Variants in PRRT1B observed in about 807,000 individuals in gnomAD.
PRRT1B encodes the protein proline rich transmembrane protein 1B.
At position 131,551,241 on chromosome 9, in the gene PRRT1B, C is replaced by T. The variant is rs1951010579; in HGVS notation, c.26-3316C>T. 6.6e-6 allele frequency among the ~76,000 whole-genome samples: 1 copy of T among 152,030 alleles called. No homozygotes were observed. The highest frequency in any genetic ancestry group is 2.4e-5 in the African/African-American group (1 of 41,374). ...ACGGGTGTGAGCCACCGCGCCCGAC[C>T]TGCGTTTAGTTTTTCAATTCATACA... On this transcript the variant is annotated intron_variant, in intron 1 of 3. Transcript: ENST00000636672. This position sits in a 1 kb window ranked among gnomAD's most constrained non-coding sequence, Gnocchi z 4.4.
rs1588547877 is a variant in PRRT1B, at chr9:131,545,641, G to A, written c.25+1G>A. 1 of 400,854 alleles carries A rather than the reference G, an allele frequency of 2.5e-6. No homozygotes were observed. Among genetic ancestry groups the A allele is most frequent in the East Asian group, 3.6e-5 (1 of 28,104 alleles). 24.8% of individuals were successfully genotyped at this position (400,854 alleles called of 1,614,324 possible). ...ATGGAGGCAGGAGCTGGAGGGGCAG[G>A]TGCCGGAGGGGCAGGTGCTGGTGGG... On this transcript the variant is annotated splice_donor_variant, in intron 1 of 3. Coordinates refer to ENST00000636672, the Ensembl canonical transcript of PRRT1B. LOFTEE classifies it high-confidence loss of function.
At position 131,558,176 on chromosome 9, in the gene PRRT1B, G is replaced by A. The variant is rs185853954; in HGVS notation, c.766G>A (p.Val256Met). Reference sequence around the variant, plus strand: ...CGTGTCTACCAGCTGGGTCATCTACGTGGTGGTGGCACTCTACCTTCCCTG... The same window carrying A: ...CGTGTCTACCAGCTGGGTCATCTACATGGTGGTGGCACTCTACCTTCCCTG... Residue 256 changes from valine (V) to methionine (M), a missense_variant, in exon 4 of 4, where the codon GTG becomes ATG. Coordinates refer to ENST00000636672, the Ensembl canonical transcript of PRRT1B. 73 of 401,032 alleles carry A rather than the reference G, an allele frequency of 1.8e-4. No individual in the cohort carries two copies. The East Asian group carries it at 2.5e-3, about 14-fold the overall frequency. 24.8% of individuals were successfully genotyped at this position (401,032 alleles called of 1,614,324 possible).
At chr9:131,550,902 G>T (rs73557754) in intron 1 of PRRT1B, among the ~76,000 whole-genome samples, 6,124 of 141,422 alleles carry the variant, frequency 0.043, 260 homozygotes, top group African/African-American at 0.11. Context: ...TTCGGACCTT[G>T]TGTCTTCCGT....
At chr9:131,545,802 T>C (rs1478709408) in intron 1 of PRRT1B, among the ~76,000 whole-genome samples, 162 bp downstream of exon 1, 2 of 134,752 alleles carry the variant, frequency 1.5e-5, no homozygotes, top group East Asian at 2.1e-4. Context: ...AAGGGGTAGA[T>C]ACCAGAGGGT....
chr9:131,554,655 C>T, exon 2 of PRRT1B: 2 of 390,674 alleles, frequency 5.1e-6, no homozygotes, highest in East Asian at 7.3e-5. Context: ...GCCCGCGCAG[C>T]CCGCGCTCCC....
intron 3 of PRRT1B, among the ~76,000 whole-genome samples, chr9:131,557,092 A>G (rs780857167): frequency 2.0e-5 from 3 of 151,708 alleles, no homozygotes; most frequent in Non-Finnish European, 2.9e-5. Context: ...CCATCCCTCT[A>G]TTCATCCATC....
At chr9:131,549,904 TG>T (rs1950999415) in intron 1 of PRRT1B, among the ~76,000 whole-genome samples, 1 of 152,192 alleles carries the variant, frequency 6.6e-6, no homozygotes, top group Admixed American at 6.6e-5. Flanking sequence ...TGACTATTCC[TG>T]GACTACAGCC....
At position 131,551,455 on chromosome 9, in the gene PRRT1B, C is replaced by A. The variant is rs1951011892; in HGVS notation, c.26-3102C>A. 6.6e-6 allele frequency among the ~76,000 whole-genome samples: 1 copy of A among 152,098 alleles called. No homozygotes were observed. Among genetic ancestry groups the A allele is most frequent in the African/African-American group, 2.4e-5 (1 of 41,398 alleles). On this transcript the variant is annotated intron_variant, in intron 1 of 3. Transcript: ENST00000636672. The surrounding 1 kb of genome is among the most constrained non-coding windows in gnomAD (Gnocchi z 4.4). ...GCCCATTATCTCTCCATACCACCCC[C>A]AAAAAATTTTCGCTGCCCCAACACT...
chr9:131,545,748 G>GGCGGGGCAGGTA (rs1950969823), intron 1 of PRRT1B, 108 bp downstream of exon 1: 1 of 398,482 alleles, frequency 2.5e-6, no homozygotes, highest in African/African-American at 2.3e-5. Context: ...CGGGGCAGGT[G>GGCGGGGCAGGTA]CTGGCGGGGC....
intron 1 of PRRT1B, among the ~76,000 whole-genome samples, 200 bp from the exon 2 acceptor site, chr9:131,554,357 A>G (rs1157074375): frequency 6.6e-5 from 10 of 152,116 alleles, no homozygotes. Flanking sequence ...CTGGGTTCCC[A>G]CCCAGATGAG....
chr9:131,558,076 T>C (rs4740167), exon 4 of PRRT1B: 264,470 of 399,948 alleles, frequency 0.66, 89,583 homozygotes, highest in African/African-American at 0.92. Flanking sequence ...TGGGCAGGGG[T>C]GACCTGGCCC....
chr9:131,556,919 C>T (rs1361917478), intron 3 of PRRT1B, among the ~76,000 whole-genome samples: 1 of 151,844 alleles, frequency 6.6e-6, no homozygotes, highest in Non-Finnish European at 1.5e-5. Context: ...AGACGTGAGC[C>T]ACTGTGCCTG....
chr9:131,555,001 C>T, exon 2 of PRRT1B: 1 of 393,502 alleles, frequency 2.5e-6, no homozygotes, highest in Non-Finnish European at 4.5e-6. Context: ...TTCTCGCCGC[C>T]CGCCGGGGCC....
intron 1 of PRRT1B, among the ~76,000 whole-genome samples, chr9:131,547,739 C>T (rs1345482931): frequency 6.6e-6 from 1 of 152,138 alleles, no homozygotes; most frequent in Non-Finnish European, 1.5e-5. Context: ...ACCAACCAGC[C>T]CAAGGAACAT....
At chr9:131,558,060 C>T in exon 4 of PRRT1B, 1 of 399,796 alleles carries the variant, frequency 2.5e-6, no homozygotes. Flanking sequence ...CAGGCCCGTG[C>T]AGCACTGGGC....
chr9:131,550,639 A>G (rs1951003931), intron 1 of PRRT1B, among the ~76,000 whole-genome samples: 1 of 152,188 alleles, frequency 6.6e-6, no homozygotes, highest in Non-Finnish European at 1.5e-5. Context: ...ATTCTTATGC[A>G]AGAGTCGGGA....
intron 1 of PRRT1B, among the ~76,000 whole-genome samples, chr9:131,546,496 T>G (rs1226725009): frequency 6.6e-6 from 1 of 151,950 alleles, no homozygotes; most frequent in Non-Finnish European, 1.5e-5. Flanking sequence ...GTGGGACCCC[T>G]GCAGAGTCTC....
At chr9:131,552,020 T>G (rs1951015508) in intron 1 of PRRT1B, among the ~76,000 whole-genome samples, 1 of 152,216 alleles carries the variant, frequency 6.6e-6, no homozygotes. Context: ...CTGGAACTCC[T>G]GACCTCAACT....
Position 131,551,297 on chromosome 9 carries a change from T to C in PRRT1B, c.26-3260T>C, listed in dbSNP as rs1951010900. Among the ~76,000 whole-genome samples the C allele has an allele frequency of 6.6e-6, 1 of 152,068 alleles. No homozygotes were observed. The highest frequency in any genetic ancestry group is 6.6e-5 in the Admixed American group (1 of 15,250). On this transcript the variant is annotated intron_variant, in intron 1 of 3. Coordinates refer to ENST00000636672, the Ensembl canonical transcript of PRRT1B. The surrounding 1 kb of genome is among the most constrained non-coding windows in gnomAD (Gnocchi z 4.4). The stretch of plus-strand genomic sequence containing the variant: ...GCATCCAGGCCATCACCAATCATTC[T>C]ATACGACAAATGCTCCTTCTAACAA...
Sources: gnomAD v4.1 joint callset for allele counts (sites outside exome capture counted in the v4.1 genomes callset) on GRCh38, gnomAD v4.1.1 for gene constraint, Gnocchi (gnomAD v3.1) non-coding constraint, MANE v1.5 for transcripts, NCBI Gene and HGNC (gene_info 2026-07-23, HGNC 2026-07-21) for gene names.